Variants in SLC16A12 observed in about 807,000 individuals in gnomAD.
SLC16A12 encodes monocarboxylate transporter 12.
A neutral mutation model predicts 42.4 loss-of-function variants in SLC16A12; 17 were observed. That is an observed-to-expected ratio of 0.40 (90% CI 0.27 to 0.60). The LOEUF is 0.60. Among genes scored for constraint, SLC16A12 ranks in the 20% least tolerant of loss-of-function variants. SLC16A12 has a pLI of 0.42. For synonymous variants in SLC16A12, 224 were observed against 229.4 expected (o/e 0.98, Z 0.21); for missense variants, 544 against 623.0 (o/e 0.87, Z 1.35).
chr10:89,515,141 A>T (rs1161415315), intron 2 of SLC16A12, among the ~76,000 whole-genome samples: 2 of 151,968 alleles, frequency 1.3e-5, no homozygotes, highest in Non-Finnish European at 2.9e-5. Flanking sequence ...AAAAAAAAAG[A>T]AAAGAAAAGC....
chr10:89,544,400 C>T (rs1339986457), intron 2 of SLC16A12, among the ~76,000 whole-genome samples: 2 of 152,152 alleles, frequency 1.3e-5, no homozygotes, highest in Non-Finnish European at 2.9e-5. Context: ...GACTTTATGA[C>T]CTACCCTTTT....
chr10:89,530,229 A>G (rs1383269739), intron 2 of SLC16A12, among the ~76,000 whole-genome samples: 1 of 152,206 alleles, frequency 6.6e-6, no homozygotes, highest in Non-Finnish European at 1.5e-5. Context: ...AAATCATTCT[A>G]GAAATTTTTA....
intron 2 of SLC16A12, among the ~76,000 whole-genome samples, chr10:89,514,471 G>C (rs1426031404): frequency 3.9e-5 from 6 of 152,194 alleles, no homozygotes; most frequent in African/African-American, 1.4e-4. Flanking sequence ...CAGCATGCTT[G>C]GGTTCTGGTG....
chr10:89,547,190 C>T (rs941811600), intron 2 of SLC16A12, among the ~76,000 whole-genome samples: 20 of 152,150 alleles, frequency 1.3e-4, no homozygotes, highest in Non-Finnish European at 2.8e-4. Context: ...ATGCTGCCTA[C>T]AGACCTTGAA....
chr10:89,519,736 T>C, intron 2 of SLC16A12, among the ~76,000 whole-genome samples: 1 of 149,286 alleles, frequency 6.7e-6, no homozygotes, highest in South Asian at 2.2e-4. Flanking sequence ...TTGCAGGGGG[T>C]GGGGGGGTCC....
intron 2 of SLC16A12, among the ~76,000 whole-genome samples, chr10:89,523,537 T>G (rs1843396047): frequency 6.6e-6 from 1 of 152,236 alleles, no homozygotes; most frequent in Non-Finnish European, 1.5e-5. Flanking sequence ...GTTTCCATGA[T>G]AGGAGTCTCT....
chr10:89,482,839 C>A (rs575848756), intron 2 of SLC16A12, among the ~76,000 whole-genome samples: 1 of 151,010 alleles, frequency 6.6e-6, no homozygotes, highest in Non-Finnish European at 1.5e-5. Context: ...AAAAAACCCA[C>A]AAAATTTAGC....
intron 2 of SLC16A12, among the ~76,000 whole-genome samples, chr10:89,514,685 C>T (rs116378412): frequency 1.6e-4 from 24 of 152,358 alleles, no homozygotes; most frequent in African/African-American, 5.5e-4. Flanking sequence ...AATACCATCA[C>T]ATTGGGGGTG....
chr10:89,520,165 A>AC (rs1843329970), intron 2 of SLC16A12, among the ~76,000 whole-genome samples: 1 of 152,106 alleles, frequency 6.6e-6, no homozygotes, highest in Non-Finnish European at 1.5e-5. Flanking sequence ...ATAGCACTAC[A>AC]AGTATATCAT....
chr10:89,519,355 C>T (rs1843311285), intron 2 of SLC16A12, among the ~76,000 whole-genome samples: 1 of 152,004 alleles, frequency 6.6e-6, no homozygotes, highest in African/African-American at 2.4e-5. Context: ...ACATGTATCC[C>T]CTAAACCTAA....
intron 2 of SLC16A12, among the ~76,000 whole-genome samples, chr10:89,484,811 G>A (rs1395024442): frequency 6.6e-6 from 1 of 152,164 alleles, no homozygotes; most frequent in Non-Finnish European, 1.5e-5. Context: ...GGTACTTAAT[G>A]GAGTATGCAC....
chr10:89,505,387 C>T (rs1843045770), intron 2 of SLC16A12, among the ~76,000 whole-genome samples: 2 of 151,992 alleles, frequency 1.3e-5, no homozygotes, highest in Admixed American at 1.3e-4. Flanking sequence ...TGCACTCCTG[C>T]ACTCCAACCT....
chr10:89,501,321 A>G (rs1842988670), intron 2 of SLC16A12, among the ~76,000 whole-genome samples: 1 of 152,220 alleles, frequency 6.6e-6, no homozygotes, highest in African/African-American at 2.4e-5. Context: ...TTCATATGAA[A>G]TCAAAAAACA....
At chr10:89,539,707 A>T (rs1002557822), upstream of SLC16A12, among the ~76,000 whole-genome samples, 1 of 152,174 alleles carries the variant, frequency 6.6e-6, no homozygotes, top group Non-Finnish European at 1.5e-5. Flanking sequence ...TAGAATTTGA[A>T]ATTTTGTTCT....
intron 2 of SLC16A12, among the ~76,000 whole-genome samples, chr10:89,524,373 C>T (rs932621194): frequency 6.6e-6 from 1 of 152,188 alleles, no homozygotes; most frequent in African/African-American, 2.4e-5. Context: ...TGCTCTCGCT[C>T]CTGCCTGCTC....
At chr10:89,509,424 C>T (rs1748071750) in intron 2 of SLC16A12, among the ~76,000 whole-genome samples, 1 of 152,194 alleles carries the variant, frequency 6.6e-6, no homozygotes, top group Non-Finnish European at 1.5e-5. Flanking sequence ...CCCTTGGATG[C>T]AAGGCTGGTT....
chr10:89,447,751 T>C (rs1404469546), intron 3 of SLC16A12, among the ~76,000 whole-genome samples: 4 of 151,946 alleles, frequency 2.6e-5, no homozygotes, highest in Non-Finnish European at 4.4e-5. Flanking sequence ...AAGAAATAAC[T>C]AAAATCAGAG....
chr10:89,555,813 A>C (rs772555320), intron 2 of SLC16A12: 1 of 150,886 alleles, frequency 6.6e-6, no homozygotes, highest in Non-Finnish European at 1.5e-5. Context: ...CAAGTTTCTG[A>C]ATTGAACCAG....
At chr10:89,536,957 C>T (rs536724321), upstream of SLC16A12, among the ~76,000 whole-genome samples, 2 of 152,186 alleles carry the variant, frequency 1.3e-5, no homozygotes, top group African/African-American at 4.8e-5. Flanking sequence ...CCTGCCTCAG[C>T]TTCCGGAGTA....
Sources: allele counts gnomAD v4.1 joint callset (sites outside exome capture counted in the v4.1 genomes callset), GRCh38; gene constraint gnomAD v4.1.1; transcripts MANE v1.5; gene names NCBI Gene and HGNC (gene_info 2026-07-23, HGNC 2026-07-21).